The following CSNK1G1 variants were observed in gnomAD, a reference collection of about 807,000 sequenced individuals.
The protein encoded by CSNK1G1 is casein kinase I isoform gamma-1.
In CSNK1G1, 22 loss-of-function variants were observed where a neutral mutation model predicts 59.6. The ratio of observed to expected loss-of-function variants is 0.37; its 90% confidence interval spans 0.26 to 0.53. The LOEUF is 0.53. Ranked by LOEUF, CSNK1G1 falls within the 20% of genes least tolerant of loss-of-function variation. CSNK1G1 has a pLI of 0.89. For synonymous variants in CSNK1G1, 179 were observed against 177.1 expected (o/e 1.01, Z -0.08); for missense variants, 384 against 519.5 (o/e 0.74, Z 2.54).
intron 7 of CSNK1G1, 106 bp from the exon 8 acceptor site, chr15:64,205,055 G>C (rs938765482): frequency 4.8e-6 from 3 of 620,192 alleles, no homozygotes; most frequent in Non-Finnish European, 8.2e-6. Context: ...CGCAGTATTT[G>C]TTGGTCTTGA....
chr15:64,181,456 T>C lies in CSNK1G1; in HGVS notation c.1108-1002A>G, dbSNP rs758265480. On this transcript the variant is annotated intron_variant, in intron 10 of 11. Coordinates refer to ENST00000303052, the MANE Select transcript of CSNK1G1 (RefSeq NM_022048.5). ...CTGAAACATGGGAGAGAACACAAAA[T>C]AGGATAAACAATTTGGATATCATAT... 61 of 1,492,702 alleles carry C rather than the reference T, an allele frequency of 4.1e-5. No homozygotes were observed. In the African/African-American group the frequency reaches 6.2e-4, roughly 15 times the overall value. 92.5% of individuals were successfully genotyped at this position (1,492,702 alleles called of 1,614,324 possible).
rs1165768581 is a variant in CSNK1G1 at position 64,352,447 on chromosome 15, C to CTTTTTTTTTTTTTTTTTTT, written c.-225+3522_-225+3540dup. ...ATCACAAAACATAATTTGAATTCTT[C>CTTTTTTTTTTTTTTTTTTT]TTTTTTTTTTTTTTTTTTTGAGATG... On this transcript the variant is annotated intron_variant, in intron 1 of 11. Transcript: ENST00000303052. Among the ~76,000 whole-genome samples, 6 of 89,430 alleles carry CTTTTTTTTTTTTTTTTTTT rather than the reference C, an allele frequency of 6.7e-5. 2 individuals are homozygous for CTTTTTTTTTTTTTTTTTTT. The highest frequency in any genetic ancestry group is 2.6e-4 in the African/African-American group (6 of 22,738). The allele number at this position is 89,430 out of a possible 152,430, so 58.7% of individuals were successfully genotyped here.
rs1412054284 is a variant in CSNK1G1, at chr15:64,180,431, C to G, written c.1131G>C (p.Glu377Asp). 1 of 1,613,958 alleles carries G rather than the reference C, an allele frequency of 6.2e-7. No homozygotes were observed. The highest frequency in any genetic ancestry group is 8.5e-7 in the Non-Finnish European group (1 of 1,179,964). Residue 377 changes from glutamate to aspartate, a missense_variant, in exon 11 of 12, where the codon GAG becomes GAC. Physicochemically the swap from Glu to Asp is conservative, Grantham distance 45. This residue lies in a region of CSNK1G1 where 325 missense variants were observed against 440.9 expected (regional missense o/e 0.74). Coordinates refer to ENST00000303052, the MANE Select transcript of CSNK1G1 (RefSeq NM_022048.5). ...CTCCCGTGGGATCATCAACATTCAGCTCTCCATTGGTTGAGCTAACCACCT... is the reference window on the plus strand; with the variant it reads ...CTCCCGTGGGATCATCAACATTCAGGTCTCCATTGGTTGAGCTAACCACCT... ...RNQVVSSTNG[E>D]LNVDDPTGAH...
intron 1 of CSNK1G1, among the ~76,000 whole-genome samples, chr15:64,354,639 C>T (rs1898538380): frequency 6.6e-6 from 1 of 152,078 alleles, no homozygotes; most frequent in Non-Finnish European, 1.5e-5. Flanking sequence ...GGTTGCTTTC[C>T]TATCTCAAAC....
At chr15:64,255,075 CT>C (rs890905486) in intron 3 of CSNK1G1, among the ~76,000 whole-genome samples, 1 of 151,906 alleles carries the variant, frequency 6.6e-6, no homozygotes, top group Non-Finnish European at 1.5e-5. Context: ...GTTATTTGTC[CT>C]TTTTTTCTTT....
chr15:64,344,073 A>C (rs1393133411), intron 1 of CSNK1G1, among the ~76,000 whole-genome samples: 4 of 152,182 alleles, frequency 2.6e-5, no homozygotes, highest in Admixed American at 6.5e-5. Flanking sequence ...GTAATGTATA[A>C]AAATGCTTTA....
At chr15:64,289,973 CTATTAT>C (rs369693105) in intron 2 of CSNK1G1, among the ~76,000 whole-genome samples, 5 of 152,044 alleles carry the variant, frequency 3.3e-5, no homozygotes, top group African/African-American at 1.2e-4. Context: ...GTCAGAATGG[CTATTAT>C]TATTATTTTT....
intron 1 of CSNK1G1, among the ~76,000 whole-genome samples, chr15:64,354,253 C>T (rs1349924411): frequency 1.3e-5 from 2 of 152,058 alleles, no homozygotes; most frequent in African/African-American, 4.8e-5. Context: ...TGCACTGAGC[C>T]GAGATCGTGC....
intron 1 of CSNK1G1, among the ~76,000 whole-genome samples, chr15:64,329,372 A>G (rs1361781446): frequency 2.0e-5 from 3 of 148,714 alleles, no homozygotes. Context: ...TAAGAATCTC[A>G]CTCAAAGCCA....
intron 10 of CSNK1G1, among the ~76,000 whole-genome samples, chr15:64,184,475 G>A (rs185201855): frequency 2.6e-5 from 4 of 151,632 alleles, no homozygotes; most frequent in African/African-American, 4.8e-5. Context: ...TCAGCAGTTC[G>A]AGACCAGCCT....
intron 2 of CSNK1G1, among the ~76,000 whole-genome samples, chr15:64,287,150 T>TG (rs1894472403): frequency 6.6e-6 from 1 of 152,204 alleles, no homozygotes; most frequent in Non-Finnish European, 1.5e-5. Flanking sequence ...TGTGATGTCT[T>TG]GGATCTGGGC....
At position 64,214,232 on chromosome 15, in the gene CSNK1G1, A is replaced by C; in HGVS notation, c.445-108T>G. ...GGTTTTAATTATTGAAATAACAGTA[A>C]AATTCATCTCCTTTCACCGCCCTGA... is the stretch of plus-strand genomic sequence containing the variant. On this transcript the variant is annotated intron_variant, in intron 5 of 11. Coordinates refer to ENST00000303052, the MANE Select transcript of CSNK1G1 (RefSeq NM_022048.5). The surrounding 1 kb of genome is among the most constrained non-coding windows in gnomAD (Gnocchi z 4.3). 2 of 808,932 alleles carry C rather than the reference A, an allele frequency of 2.5e-6. No homozygotes were observed. The highest frequency in any genetic ancestry group is 2.4e-4 in the Middle Eastern group (1 of 4,236). The allele number at this position is 808,932 out of a possible 1,614,324, so 50.1% of individuals were successfully genotyped here. A position where few individuals can be genotyped will look rare whatever the true frequency, so the allele number is the denominator to read the frequency against.
rs763312218 is a variant in CSNK1G1, at chr15:64,166,807, C to G, written c.*5124G>C. ...CCTCTTGTGGGTGTTACTGGAATGG[C>G]TGCACCACACCCCCACTTATTACCA... On this transcript the variant is annotated 3_prime_UTR_variant, in exon 12 of 12. Transcript: ENST00000303052. This position sits in a 1 kb window ranked among gnomAD's most constrained non-coding sequence, Gnocchi z 4.5. The G allele has an allele frequency of 1.3e-5, 2 of 152,626 alleles. No individual in the cohort carries two copies. Among genetic ancestry groups the G allele is most frequent in the Non-Finnish European group, 2.9e-5 (2 of 68,042 alleles). 9.5% of individuals were successfully genotyped at this position (152,626 alleles called of 1,614,324 possible).
rs1566939007 is a variant in CSNK1G1, at chr15:64,300,665, A to T, written c.-166T>A. 9 of 1,278,158 alleles carry T rather than the reference A, an allele frequency of 7.0e-6. No individual in the cohort carries two copies. In the East Asian group the frequency reaches 2.6e-4, roughly 37 times the overall value. 79.2% of individuals were successfully genotyped at this position (1,278,158 alleles called of 1,614,324 possible). On this transcript the variant is annotated 5_prime_UTR_variant, in exon 2 of 12. Transcript: ENST00000303052. ...ATCTCCGGGAGATGAAAAACCATTT[A>T]TTTGTTCCCGTAGGAAATGTAGTCA...
At chr15:64,193,288 G>C (rs1371074824) in intron 10 of CSNK1G1, among the ~76,000 whole-genome samples, 1 of 151,904 alleles carries the variant, frequency 6.6e-6, no homozygotes, top group African/African-American at 2.4e-5. Context: ...TCAGAAGATT[G>C]AGACCATCCT....
At chr15:64,303,719 C>A (rs1316155901) in intron 1 of CSNK1G1, among the ~76,000 whole-genome samples, 1 of 149,630 alleles carries the variant, frequency 6.7e-6, no homozygotes, top group Non-Finnish European at 1.5e-5. Flanking sequence ...CATTGCACTC[C>A]AGCCTGGGCG....
At chr15:64,217,264 G>GT (rs2082324073) in intron 4 of CSNK1G1, among the ~76,000 whole-genome samples, 1 of 152,156 alleles carries the variant, frequency 6.6e-6, no homozygotes, top group Admixed American at 6.5e-5. Context: ...AGTCTCTATA[G>GT]TTTTTTGTTT....
At chr15:64,199,950 A>T (rs951005981) in intron 10 of CSNK1G1, among the ~76,000 whole-genome samples, 2 of 152,218 alleles carry the variant, frequency 1.3e-5, no homozygotes, top group African/African-American at 4.8e-5. Flanking sequence ...TATTCTAAAA[A>T]ATAGGCACAA....
At chr15:64,340,365 A>AG (rs1286432948) in intron 1 of CSNK1G1, among the ~76,000 whole-genome samples, 1 of 152,168 alleles carries the variant, frequency 6.6e-6, no homozygotes, top group Non-Finnish European at 1.5e-5. Context: ...CTCTGCTGGC[A>AG]GGAAGTATTG....
Sources: gnomAD v4.1 joint callset for allele counts (sites outside exome capture counted in the v4.1 genomes callset) on GRCh38, gnomAD v4.1.1 for gene constraint, gnomAD v4.1.1 regional missense constraint, Gnocchi (gnomAD v3.1) non-coding constraint, MANE v1.5 for transcripts, NCBI Gene and HGNC (gene_info 2026-07-23, HGNC 2026-07-21) for gene names.